The following TBL1XR1 variants were observed in gnomAD, a reference collection of about 807,000 sequenced individuals.
TBL1XR1 encodes the protein F-box-like/WD repeat-containing protein TBL1XR1.
In TBL1XR1, 5 loss-of-function variants were observed where a neutral mutation model predicts 66.9. The ratio of observed to expected loss-of-function variants is 0.07; its 90% CI spans 0.04 to 0.16. The LOEUF is 0.16. Ranked by LOEUF, TBL1XR1 falls within the 10% of genes least tolerant of loss-of-function variation. TBL1XR1 has a pLI of 1.00. For synonymous variants in TBL1XR1, 210 were observed against 206.0 expected (o/e 1.02, Z -0.17); for missense variants, 238 against 623.2 (o/e 0.38, Z 6.58).
At chr3:177,036,653 T>C (rs1031737924) in intron 12 of TBL1XR1, among the ~76,000 whole-genome samples, 1 of 152,162 alleles carries the variant, frequency 6.6e-6, no homozygotes, top group Non-Finnish European at 1.5e-5. Context: ...AAGCCAAAGA[T>C]GAAAGCATTA....
rs1724166949 is a variant in TBL1XR1, at chr3:177,101,208, C to T, written c.-121-2667G>A. Among the ~76,000 whole-genome samples, 3 of 152,138 alleles carry T rather than the reference C, an allele frequency of 2.0e-5. 1 individual carries two copies. Among genetic ancestry groups the T allele is most frequent in the Admixed American group, 2.0e-4 (3 of 15,280 alleles). On this transcript the variant is annotated intron_variant, in intron 1 of 15. Coordinates refer to ENST00000457928, the MANE Select transcript of TBL1XR1 (RefSeq NM_024665.7). ...CATTTGTTAAATGATTAGATCATAG[C>T]AAGTGAAGAGTTCACTCTTGTAGTT...
At chr3:177,158,803 T>G (rs1260444604) in intron 1 of TBL1XR1, among the ~76,000 whole-genome samples, 1 of 152,104 alleles carries the variant, frequency 6.6e-6, no homozygotes, top group African/African-American at 2.4e-5. Context: ...TAAGGCTATA[T>G]AAACCCAAGA....
chr3:177,123,435 T>G (rs941368547), intron 1 of TBL1XR1, among the ~76,000 whole-genome samples: 1 of 152,082 alleles, frequency 6.6e-6, no homozygotes, highest in Admixed American at 6.6e-5. Context: ...TGCTCAAATC[T>G]TTAACAGAGA....
At chr3:177,195,059 C>A (rs986409617) in intron 1 of TBL1XR1, among the ~76,000 whole-genome samples, 1 of 152,110 alleles carries the variant, frequency 6.6e-6, no homozygotes, top group Non-Finnish European at 1.5e-5. Flanking sequence ...TTCCCAGGCA[C>A]GTAGTTTTCG....
At chr3:177,051,127 T>C (rs1411904018) in intron 5 of TBL1XR1, among the ~76,000 whole-genome samples, 1 of 152,180 alleles carries the variant, frequency 6.6e-6, no homozygotes, top group Admixed American at 6.5e-5. Flanking sequence ...TAAAAGTAAA[T>C]CTAGCTTTTT....
intron 7 of TBL1XR1, among the ~76,000 whole-genome samples, chr3:177,048,842 C>A (rs1055637811): frequency 3.9e-5 from 6 of 152,136 alleles, no homozygotes; most frequent in African/African-American, 1.2e-4. Flanking sequence ...CTCAACAAAC[C>A]AATATTCATT....
At chr3:177,057,772 T>C (rs1474186365) in intron 3 of TBL1XR1, among the ~76,000 whole-genome samples, 4 of 152,158 alleles carry the variant, frequency 2.6e-5, no homozygotes, top group Admixed American at 1.3e-4. Context: ...GCAAATCTGA[T>C]AGTACCTCTG....
chr3:177,098,480 T>C lies in TBL1XR1; in HGVS notation c.-60A>G. 1 of 985,790 alleles carries C rather than the reference T, an allele frequency of 1.0e-6. No homozygotes were observed. The highest frequency in any genetic ancestry group is 1.2e-6 in the Non-Finnish European group (1 of 829,906). The allele number at this position is 985,790 out of a possible 1,614,324, so 61.1% of individuals were successfully genotyped here. On this transcript the variant is annotated 5_prime_UTR_variant, in exon 2 of 16. Coordinates refer to ENST00000457928, the MANE Select transcript of TBL1XR1 (RefSeq NM_024665.7). The stretch of plus-strand genomic sequence containing the variant: ...GAGAGTCTTACCATTGGCAGTGCAT[T>C]GATGTGGGGATGTGCAACTGAATAT...
intron 14 of TBL1XR1, chr3:177,027,228 G>C (rs1713266898): frequency 1.3e-5 from 2 of 152,196 alleles, no homozygotes; most frequent in Non-Finnish European, 2.9e-5. Flanking sequence ...TGAACTCCTG[G>C]CCTCAAGCAA....
At chr3:177,196,410 C>G (rs184918623) in intron 1 of TBL1XR1, 1 of 152,084 alleles carries the variant, frequency 6.6e-6, no homozygotes, top group South Asian at 2.1e-4. Context: ...CACCAAATAC[C>G]TCCTTAAGAC....
At chr3:177,096,936 GGAGGA>G (rs1025392810) in intron 2 of TBL1XR1, among the ~76,000 whole-genome samples, 6 of 152,096 alleles carry the variant, frequency 3.9e-5, no homozygotes, top group African/African-American at 1.4e-4. Context: ...AAAGGAGAGA[GGAGGA>G]GAGGAAAGGG....
At chr3:177,060,582 T>C (rs988654018) in intron 3 of TBL1XR1, among the ~76,000 whole-genome samples, 7 of 152,200 alleles carry the variant, frequency 4.6e-5, no homozygotes, top group African/African-American at 1.2e-4. Context: ...CATCTTCTTA[T>C]AGAAAACAGG....
intron 3 of TBL1XR1, 114 bp from the exon 4 acceptor site, chr3:177,054,032 C>T (rs1577036035): frequency 8.5e-7 from 1 of 1,172,338 alleles, no homozygotes; most frequent in East Asian, 2.4e-5. Flanking sequence ...CATTTAAAAT[C>T]CCAGACGAAG....
chr3:177,129,135 GA>G (rs1277360178), intron 1 of TBL1XR1, among the ~76,000 whole-genome samples: 12 of 152,010 alleles, frequency 7.9e-5, no homozygotes, highest in Admixed American at 2.6e-4. Flanking sequence ...AAGTAATTGA[GA>G]AAAAAGGTAA....
intron 1 of TBL1XR1, among the ~76,000 whole-genome samples, chr3:177,177,255 G>A (rs1734267068): frequency 6.6e-6 from 1 of 152,112 alleles, no homozygotes; most frequent in African/African-American, 2.4e-5. Flanking sequence ...TCCGAGACCA[G>A]CCTGACCAAC....
chr3:177,111,374 G>A (rs1247859019), intron 1 of TBL1XR1, among the ~76,000 whole-genome samples: 1 of 151,760 alleles, frequency 6.6e-6, no homozygotes, highest in African/African-American at 2.4e-5. Flanking sequence ...CTGGGTTCAA[G>A]CGATTCACCT....
chr3:177,104,451 G>A (rs918370220), intron 1 of TBL1XR1, among the ~76,000 whole-genome samples: 1 of 152,048 alleles, frequency 6.6e-6, no homozygotes, highest in Non-Finnish European at 1.5e-5. Context: ...GTCCTCACCC[G>A]ATCCTCATTT....
intron 15 of TBL1XR1, among the ~76,000 whole-genome samples, chr3:177,025,760 T>C (rs1713023231): frequency 6.6e-6 from 1 of 152,184 alleles, no homozygotes; most frequent in African/African-American, 2.4e-5. Flanking sequence ...CTAGGATTTT[T>C]ATACTCTCTG....
At chr3:177,092,392 A>G (rs1028595943) in intron 2 of TBL1XR1, among the ~76,000 whole-genome samples, 1 of 152,202 alleles carries the variant, frequency 6.6e-6, no homozygotes, top group Non-Finnish European at 1.5e-5. Flanking sequence ...TACTACAGGA[A>G]TCCAATTAAT....
Sources: gnomAD v4.1 joint callset for allele counts (sites outside exome capture counted in the v4.1 genomes callset) on GRCh38, gnomAD v4.1.1 for gene constraint, MANE v1.5 for transcripts, NCBI Gene and HGNC (gene_info 2026-07-23, HGNC 2026-07-21) for gene names.